The following AGFG1 variants were observed in gnomAD, a reference collection of about 807,000 sequenced individuals.
AGFG1 encodes the protein ArfGAP with FG repeats 1.
In AGFG1, 10 loss-of-function variants were observed where a neutral mutation model predicts 60.6. The ratio of observed to expected loss-of-function variants is 0.16; its 90% CI spans 0.10 to 0.28. AGFG1 has a LOEUF of 0.28. Among genes scored for constraint, AGFG1 ranks in the 10% least tolerant of loss-of-function variants. AGFG1 has a pLI of 1.00. For synonymous variants in AGFG1, 247 were observed against 242.9 expected, an observed-to-expected ratio of 1.02 and a Z score of -0.16; for missense variants, 537 against 676.5, an observed-to-expected ratio of 0.79 and a Z score of 2.29.
chr2:227,551,146 A>C (rs1215068061), intron 10 of AGFG1, among the ~76,000 whole-genome samples: 1 of 152,218 alleles, frequency 6.6e-6, no homozygotes, highest in African/African-American at 2.4e-5. Flanking sequence ...TGGCAAGCCA[A>C]GGAAGAATAC....
chr2:227,548,718 AC>A (rs1295969934), intron 10 of AGFG1, among the ~76,000 whole-genome samples: 3 of 152,176 alleles, frequency 2.0e-5, no homozygotes, highest in Non-Finnish European at 2.9e-5. Context: ...CAGGCGGATC[AC>A]GAGGTCAGGA....
intron 1 of AGFG1, among the ~76,000 whole-genome samples, chr2:227,488,173 G>A (rs1261567564): frequency 1.3e-5 from 2 of 152,138 alleles, no homozygotes; most frequent in Non-Finnish European, 2.9e-5. Context: ...TCCACATTTG[G>A]TTATGAGTAC....
rs1172924255 is a variant in AGFG1, at chr2:227,530,177, G to GA, written c.695-913dup. On this transcript the variant is annotated intron_variant, in intron 5 of 12. Transcript: ENST00000310078. Reference sequence around the variant, plus strand: ...GACTCCTTTGTACTTTTTGAAATACGATTATTCAAGAAACAGCTTTACCAT... The same window carrying GA: ...GACTCCTTTGTACTTTTTGAAATACGAATTATTCAAGAAACAGCTTTACCAT... Among the ~76,000 whole-genome samples the GA allele has an allele frequency of 5.9e-5, 9 of 152,202 alleles. No individual in the cohort carries two copies. The South Asian group carries it at 1.9e-3, about 31-fold the overall frequency.
At chr2:227,507,464 G>A (rs780394480) in intron 2 of AGFG1, among the ~76,000 whole-genome samples, 39 of 152,154 alleles carry the variant, frequency 2.6e-4, no homozygotes, top group Admixed American at 7.9e-4. Flanking sequence ...TTAGCTGGGC[G>A]TGGTGGCACA....
In AGFG1 at chr2:227,553,739, G is replaced by C. The variant is rs2106246747; in HGVS notation, c.1573G>C (p.Val525Leu). Residue 525 changes from valine (V) to leucine (L), a missense_variant, in exon 12 of 13, where the codon GTA becomes CTA. Val to Leu is a conservative substitution (Grantham distance 32). This residue lies in a region of AGFG1 where 28 missense variants were observed against 51.5 expected (regional missense o/e 0.54). Coordinates refer to ENST00000310078, the MANE Select transcript of AGFG1 (RefSeq NM_004504.5). ...GFAAFGQTKPVVTPFGQVAAA... is the reference protein window; with the variant it reads ...GFAAFGQTKPLVTPFGQVAAA... ...TGCAGCATTTGGACAAACAAAGCCA[G>C]TAGTAACCCCTTTTGGTCAAGTTGC... The C allele has an allele frequency of 6.2e-7, 1 of 1,613,960 alleles. No homozygotes were observed. The highest frequency in any genetic ancestry group is 2.2e-5 in the East Asian group (1 of 44,866).
intron 1 of AGFG1, among the ~76,000 whole-genome samples, chr2:227,486,291 T>C (rs34371089): frequency 0.072 from 10,964 of 152,232 alleles, 530 homozygotes; most frequent in Admixed American, 0.11. Context: ...GATTTCCCTT[T>C]CTGAAAAGTT....
rs1326369445 is a variant in AGFG1, at chr2:227,560,625, C to T, written c.*6130C>T. 2 of 152,088 alleles carry T rather than the reference C, an allele frequency of 1.3e-5. No individual in the cohort carries two copies. The highest frequency in any genetic ancestry group is 2.9e-5 in the Non-Finnish European group (2 of 67,964). 9.4% of individuals were successfully genotyped at this position (152,088 alleles called of 1,614,324 possible). On this transcript the variant is annotated 3_prime_UTR_variant, in exon 13 of 13. Transcript: ENST00000310078. ...GCAGTTTGTTGGTATCGTGCCTTTCCTTATCTACATTAGCTTAGACTATAC... is the reference window on the plus strand; with the variant it reads ...GCAGTTTGTTGGTATCGTGCCTTTCTTTATCTACATTAGCTTAGACTATAC...
intron 5 of AGFG1, among the ~76,000 whole-genome samples, chr2:227,527,062 A>C (rs1692015902): frequency 6.6e-6 from 1 of 152,212 alleles, no homozygotes; most frequent in African/African-American, 2.4e-5. Context: ...AGATTTGGTC[A>C]CTTGTATCTC....
intron 10 of AGFG1, chr2:227,550,047 G>C: frequency 2.2e-6 from 1 of 449,262 alleles, no homozygotes; most frequent in Non-Finnish European, 4.6e-6. Flanking sequence ...TCTCTTTATG[G>C]CTTTCCATAA....
At chr2:227,477,248 T>C (rs1690312230) in intron 1 of AGFG1, among the ~76,000 whole-genome samples, 1 of 152,154 alleles carries the variant, frequency 6.6e-6, no homozygotes, top group Non-Finnish European at 1.5e-5. Context: ...TTTAAGCAAA[T>C]ATTTATTAAG....
chr2:227,491,200 T>G (rs1005249778), intron 1 of AGFG1, among the ~76,000 whole-genome samples: 16 of 152,308 alleles, frequency 1.1e-4, no homozygotes, highest in African/African-American at 3.6e-4. Context: ...TTAAAGAATT[T>G]TAATAATTCT....
At chr2:227,533,041 G>A (rs1692208462) in intron 6 of AGFG1, among the ~76,000 whole-genome samples, 1 of 152,156 alleles carries the variant, frequency 6.6e-6, no homozygotes, top group Admixed American at 6.5e-5. Flanking sequence ...TTCAAGTGAA[G>A]TAAGTATAAA....
intron 1 of AGFG1, among the ~76,000 whole-genome samples, chr2:227,486,547 G>A (rs1431054644): frequency 6.6e-6 from 1 of 152,020 alleles, no homozygotes; most frequent in East Asian, 1.9e-4. Flanking sequence ...ATTTGTTGTG[G>A]ACACTTTCCT....
chr2:227,520,881 C>G (rs1262506420), intron 3 of AGFG1, among the ~76,000 whole-genome samples: 1 of 152,136 alleles, frequency 6.6e-6, no homozygotes, highest in Non-Finnish European at 1.5e-5. Flanking sequence ...AAGTAACGAG[C>G]TTCTTGTTTG....
Position 227,472,574 on chromosome 2 carries a change from C to G in AGFG1, c.153C>G (p.Ser51=), listed in dbSNP as rs748473147. The G allele has an allele frequency of 3.2e-6, 5 of 1,576,284 alleles. No homozygotes were observed. The South Asian group carries it at 3.4e-5, about 11-fold the overall frequency. The change falls in exon 1 of 13, where the codon TCC becomes TCG. Residue 51 remains serine, a synonymous_variant. Coordinates refer to ENST00000310078, the MANE Select transcript of AGFG1 (RefSeq NM_004504.5). The stretch of plus-strand genomic sequence containing the variant: ...CGGTCGGCTCCTTCGTGTGTACCTC[C>G]TGCTCCGGCAGCCTGTGAGTGCGGG... ...NMTVGSFVCT[S]CSGSLRGLNP... is the part of the protein sequence containing the mutation.
intron 6 of AGFG1, among the ~76,000 whole-genome samples, chr2:227,532,919 A>G (rs1326143936): frequency 6.7e-6 from 1 of 148,554 alleles, no homozygotes; most frequent in Non-Finnish European, 1.5e-5. Context: ...GCTATAATGT[A>G]TTATGTACTG....
intron 1 of AGFG1, among the ~76,000 whole-genome samples, chr2:227,474,676 T>C (rs1166200143): frequency 6.6e-6 from 1 of 152,232 alleles, no homozygotes; most frequent in African/African-American, 2.4e-5. Flanking sequence ...ATTTCCTTTC[T>C]GTGAATGAGA....
chr2:227,492,259 T>A (rs909207619), intron 2 of AGFG1, among the ~76,000 whole-genome samples: 5 of 152,008 alleles, frequency 3.3e-5, no homozygotes, highest in African/African-American at 1.2e-4. Flanking sequence ...TTAGTAAAAG[T>A]TTTTAAAATT....
intron 8 of AGFG1, among the ~76,000 whole-genome samples, chr2:227,535,626 C>T (rs1692286832): frequency 1.3e-5 from 2 of 152,162 alleles, no homozygotes; most frequent in Non-Finnish European, 2.9e-5. Context: ...GAAATAGTCT[C>T]AGAAATACAA....
Sources: gnomAD v4.1 joint callset for allele counts (sites outside exome capture counted in the v4.1 genomes callset) on GRCh38, gnomAD v4.1.1 for gene constraint, gnomAD v4.1.1 regional missense constraint, MANE v1.5 for transcripts, NCBI Gene and HGNC (gene_info 2026-07-23, HGNC 2026-07-21) for gene names.